The following FBXO31 variants were observed in gnomAD, a reference collection of about 807,000 sequenced individuals.
The protein encoded by FBXO31 is F-box protein 31, also known as F-box only protein 31.
A neutral mutation model predicts 54.4 loss-of-function variants in FBXO31; 24 were observed. That is an observed-to-expected ratio of 0.44 (90% CI 0.32 to 0.62). The LOEUF is 0.62. FBXO31 is among the 20% of genes least tolerant of loss of function. FBXO31 has a pLI of 0.05. For missense variants in FBXO31, 665 were observed against 787.1 expected (o/e 0.84, Z 1.86); for synonymous variants, 388 against 335.6 (o/e 1.16, Z -1.71).
In FBXO31 at chr16:87,329,813, T is replaced by C. The variant is rs1299890072; in HGVS notation, c.*1475A>G. ...GGAACCTTTGCCAATTCTCTGACTCTGGGAAGCAAAGTAAGCATTTGCCAA... is the reference window on the plus strand; with the variant it reads ...GGAACCTTTGCCAATTCTCTGACTCCGGGAAGCAAAGTAAGCATTTGCCAA... On this transcript the variant is annotated 3_prime_UTR_variant, in exon 9 of 9. Coordinates refer to ENST00000311635, the MANE Select transcript of FBXO31 (RefSeq NM_024735.5). 2 of 152,250 alleles carry C rather than the reference T, an allele frequency of 1.3e-5. No individual in the cohort carries two copies. Among genetic ancestry groups the C allele is most frequent in the African/African-American group, 4.8e-5 (2 of 41,462 alleles). The allele number at this position is 152,250 out of a possible 1,614,324, so 9.4% of individuals were successfully genotyped here. A position where few individuals can be genotyped will look rare whatever the true frequency, so the allele number is the denominator to read the frequency against.
At chr16:87,373,462 A>C (rs746317259) in intron 1 of FBXO31, among the ~76,000 whole-genome samples, 2 of 152,070 alleles carry the variant, frequency 1.3e-5, no homozygotes, top group Non-Finnish European at 2.9e-5. Context: ...AAAAAAAATA[A>C]TTATATATAT....
chr16:87,371,214 G>T (rs1015366985), intron 1 of FBXO31, among the ~76,000 whole-genome samples: 1 of 152,232 alleles, frequency 6.6e-6, no homozygotes, highest in African/African-American at 2.4e-5. Context: ...CTGAGCCAGC[G>T]TAGCTCCTGC....
Position 87,383,345 on chromosome 16 carries a change from A to G in FBXO31, c.340+60T>C. 7.4e-7 allele frequency: 1 copy of G among 1,354,136 alleles called. No individual in the cohort carries two copies. Among genetic ancestry groups the G allele is most frequent in the Non-Finnish European group, 1.0e-6 (1 of 1,000,508 alleles). The allele number at this position is 1,354,136 out of a possible 1,614,324, so 83.9% of individuals were successfully genotyped here. On this transcript the variant is annotated intron_variant, in intron 1 of 8. Transcript: ENST00000311635. The surrounding 1 kb of genome is among the most constrained non-coding windows in gnomAD (Gnocchi z 4.9). ...ACCGCCCCCGCCACTCCCAGCTCCG[A>G]GGCCTCCACCTGGCAGGGACCCCCC...
At chr16:87,332,098 G>C (rs181111865) in intron 8 of FBXO31, among the ~76,000 whole-genome samples, 35 of 152,342 alleles carry the variant, frequency 2.3e-4, no homozygotes, top group African/African-American at 8.2e-4. Context: ...CGAGAAGTAA[G>C]GGGCTGGCCT....
chr16:87,355,338 C>T (rs902667481), intron 2 of FBXO31, among the ~76,000 whole-genome samples: 9 of 152,192 alleles, frequency 5.9e-5, no homozygotes, highest in African/African-American at 1.2e-4. Flanking sequence ...CAGACTTTTC[C>T]GAAAGGTTTG....
intron 1 of FBXO31, among the ~76,000 whole-genome samples, chr16:87,369,962 G>A (rs1597375840): frequency 6.6e-6 from 1 of 152,192 alleles, no homozygotes; most frequent in East Asian, 1.9e-4. Flanking sequence ...CACTGAAGCT[G>A]TGCCCTTTCA....
At chr16:87,333,408 G>A (rs1206862974) in intron 8 of FBXO31, among the ~76,000 whole-genome samples, 1 of 152,172 alleles carries the variant, frequency 6.6e-6, no homozygotes, top group African/African-American at 2.4e-5. Flanking sequence ...CACGCACCGG[G>A]AGATGGCCAA....
chr16:87,353,397 A>G (rs8059043), intron 2 of FBXO31, among the ~76,000 whole-genome samples: 74,143 of 152,130 alleles, frequency 0.49, 20,046 homozygotes, highest in East Asian at 1. Context: ...CACGTCCCCT[A>G]GAACCTCAGA....
At chr16:87,383,823 C>A, upstream of FBXO31, 2 of 1,036,684 alleles carry the variant, frequency 1.9e-6, no homozygotes, top group Non-Finnish European at 2.4e-6. The surrounding 1 kb of genome is among the most constrained non-coding windows in gnomAD (Gnocchi z 4.9). Context: ...GAGCCACGCC[C>A]CCGCCGCAGA....
At chr16:87,391,323 A>C (rs1000355520), upstream of FBXO31, among the ~76,000 whole-genome samples, 1 of 152,172 alleles carries the variant, frequency 6.6e-6, no homozygotes, top group African/African-American at 2.4e-5. Context: ...ACCCCAAAGA[A>C]TCTAGTGCTG....
intron 1 of FBXO31, among the ~76,000 whole-genome samples, chr16:87,375,922 C>G (rs544600330): frequency 6.6e-6 from 1 of 152,340 alleles, no homozygotes; most frequent in South Asian, 2.1e-4. Flanking sequence ...CACCCTCAGC[C>G]TGAGTCACTC....
Position 87,338,130 on chromosome 16 carries a change from G to A in FBXO31, c.733-1866C>T, listed in dbSNP as rs139282479. ...GCCATGACCTCGCTTTACATAAAGA[G>A]GTCCAAGCAACGGGACCACCAACCA... On this transcript the variant is annotated intron_variant, in intron 5 of 8. Coordinates refer to ENST00000311635, the MANE Select transcript of FBXO31 (RefSeq NM_024735.5). The surrounding 1 kb of genome is among the most constrained non-coding windows in gnomAD (Gnocchi z 4.3). Among the ~76,000 whole-genome samples the A allele has an allele frequency of 6.1e-3, 929 of 152,146 alleles. 16 individuals are homozygous for A. The highest frequency in any genetic ancestry group is 0.021 in the African/African-American group (890 of 41,494).
chr16:87,355,919 T>G (rs1056388776), intron 2 of FBXO31, among the ~76,000 whole-genome samples: 1 of 152,152 alleles, frequency 6.6e-6, no homozygotes, highest in Non-Finnish European at 1.5e-5. Flanking sequence ...AGGTCCACAG[T>G]GCACATTCCA....
chr16:87,336,806 C>T lies in FBXO31; in HGVS notation c.733-542G>A, dbSNP rs898620511. Among the ~76,000 whole-genome samples the T allele has an allele frequency of 6.6e-5, 10 of 152,286 alleles. No individual in the cohort carries two copies. The highest frequency in any genetic ancestry group is 1.2e-4 in the Non-Finnish European group (8 of 68,026). ...CAAAGGAAAAGCAGGTATGTTAAGG[C>T]GGTTCCCAAAAACTCCGCAGCCCCA... On this transcript the variant is annotated intron_variant, in intron 5 of 8. Coordinates refer to ENST00000311635, the MANE Select transcript of FBXO31 (RefSeq NM_024735.5). The surrounding 1 kb of genome is among the most constrained non-coding windows in gnomAD (Gnocchi z 6.5).
At chr16:87,333,858 C>T (rs1325822351) in intron 8 of FBXO31, 28 bp downstream of exon 8, 2 of 1,561,728 alleles carry the variant, frequency 1.3e-6, no homozygotes, top group Non-Finnish European at 1.7e-6. Flanking sequence ...GTCCCACCTT[C>T]AGGCCCCAGT....
At chr16:87,332,481 G>A (rs1904893462) in intron 8 of FBXO31, among the ~76,000 whole-genome samples, 1 of 152,230 alleles carries the variant, frequency 6.6e-6, no homozygotes, top group Non-Finnish European at 1.5e-5. Context: ...GATGTTTGAA[G>A]GGTAACAGAG....
At chr16:87,344,797 C>T (rs967952528) in intron 3 of FBXO31, among the ~76,000 whole-genome samples, 3 of 152,232 alleles carry the variant, frequency 2.0e-5, no homozygotes, top group Non-Finnish European at 2.9e-5. Context: ...CGACGCCCAA[C>T]ACAACAAACG....
chr16:87,347,106 C>A (rs1905422325), intron 3 of FBXO31, 68 bp downstream of exon 3: 1 of 1,413,230 alleles, frequency 7.1e-7, no homozygotes, highest in East Asian at 2.3e-5. Flanking sequence ...AAGAGGCCCT[C>A]AAATTCCTCC....
At chr16:87,353,405 A>C (rs1256954668) in intron 2 of FBXO31, among the ~76,000 whole-genome samples, 2 of 152,200 alleles carry the variant, frequency 1.3e-5, no homozygotes, top group African/African-American at 4.8e-5. Context: ...CTAGAACCTC[A>C]GAATGTGGCC....
Sources: allele counts gnomAD v4.1 joint callset (sites outside exome capture counted in the v4.1 genomes callset), GRCh38; gene constraint gnomAD v4.1.1; non-coding constraint Gnocchi (gnomAD v3.1); transcripts MANE v1.5; gene names NCBI Gene and HGNC (gene_info 2026-07-23, HGNC 2026-07-21).